ZNF609: variants seen among roughly 807,000 people sequenced by gnomAD.
The protein encoded by ZNF609 is zinc finger protein 609.
In ZNF609, 11 loss-of-function variants were observed where a neutral mutation model predicts 109.5. The ratio of observed to expected loss-of-function variants is 0.10; its 90% CI spans 0.06 to 0.17. The LOEUF (loss-of-function observed/expected upper bound fraction) is 0.17. Ranked by LOEUF, ZNF609 falls within the 10% of genes least tolerant of loss-of-function variation. The pLI is 1.00. For synonymous variants in ZNF609, 646 were observed against 662.0 expected, an observed-to-expected ratio of 0.98 and a Z score of 0.37; for missense variants, 1,559 against 1,772.4, an observed-to-expected ratio of 0.88 and a Z score of 2.16.
intron 2 of ZNF609, among the ~76,000 whole-genome samples, chr15:64,524,495 T>G (rs1427810613): frequency 2.8e-5 from 4 of 144,008 alleles, no homozygotes; most frequent in Non-Finnish European, 4.5e-5. Flanking sequence ...ACCCGGGAGG[T>G]GGAGGTTGCA....
At chr15:64,578,991 G>A (rs1006455254) in intron 2 of ZNF609, among the ~76,000 whole-genome samples, 1 of 151,962 alleles carries the variant, frequency 6.6e-6, no homozygotes, top group Non-Finnish European at 1.5e-5. Flanking sequence ...GACAGAGAGA[G>A]AACTTGTCTC....
intron 2 of ZNF609, among the ~76,000 whole-genome samples, chr15:64,522,101 ACT>A (rs1380759118): frequency 6.6e-6 from 1 of 152,182 alleles, no homozygotes; most frequent in Admixed American, 6.5e-5. Flanking sequence ...CCCGGGGCAA[ACT>A]CTGTACTTGG....
intron 2 of ZNF609, among the ~76,000 whole-genome samples, chr15:64,580,170 A>T (rs1895074566): frequency 1.3e-5 from 2 of 152,156 alleles, no homozygotes; most frequent in Admixed American, 1.3e-4. Context: ...GAGGGAGGGG[A>T]TGAGCCAAGG....
chr15:64,476,431 G>T (rs1026251691), intron 1 of ZNF609, among the ~76,000 whole-genome samples: 1 of 152,160 alleles, frequency 6.6e-6, no homozygotes, highest in African/African-American at 2.4e-5. Context: ...GGAAAAGAGG[G>T]TTAGGTAGGA....
Position 64,674,918 on chromosome 15 carries a change from C to T in ZNF609, c.2064C>T (p.Thr688=), listed in dbSNP as rs140216816. The change falls in exon 5 of 10, where the codon ACC becomes ACT. Residue 688 remains threonine (T), a synonymous_variant. Coordinates refer to ENST00000326648, the MANE Select transcript of ZNF609 (RefSeq NM_015042.2). The part of the protein sequence containing the change: ...AASPGSSSGL[T]ATVAQAMPNS... ...GCCCAGGCTCTTCCTCAGGCTTGACCGCCACAGTGGCACAAGCCATGCCCA... is the reference window on the plus strand; with the variant it reads ...GCCCAGGCTCTTCCTCAGGCTTGACTGCCACAGTGGCACAAGCCATGCCCA... The T allele has an allele frequency of 1.6e-5, 26 of 1,613,912 alleles. No homozygotes were observed. Among genetic ancestry groups the T allele is most frequent in the African/African-American group, 6.7e-5 (5 of 74,894 alleles).
At chr15:64,469,511 TTATTGCTGGTCAAAAA>T (rs1893065588) in intron 1 of ZNF609, among the ~76,000 whole-genome samples, 1 of 151,928 alleles carries the variant, frequency 6.6e-6, no homozygotes, top group Admixed American at 6.6e-5. Context: ...TTTTTTTTTT[TTATTGCTGGTCAAAAA>T]TATAGCCGGT....
At chr15:64,466,148 G>A (rs1421280613) in intron 1 of ZNF609, among the ~76,000 whole-genome samples, 1 of 151,560 alleles carries the variant, frequency 6.6e-6, no homozygotes, top group Non-Finnish European at 1.5e-5. Flanking sequence ...AAGTTAGCGG[G>A]GGGTATAGCA....
At position 64,500,185 on chromosome 15, in the gene ZNF609, T is replaced by C. The variant is rs755724372; in HGVS notation, c.747+19T>C. Reference sequence around the variant, plus strand: ...TGAAAAGGTAAGAGGTGGCCAGATATGGCTGCCCACTGACTGCCAGTCAGA... The same window carrying C: ...TGAAAAGGTAAGAGGTGGCCAGATACGGCTGCCCACTGACTGCCAGTCAGA... On this transcript the variant is annotated intron_variant, in intron 2 of 9. Coordinates refer to ENST00000326648, the MANE Select transcript of ZNF609 (RefSeq NM_015042.2). 23 of 1,610,254 alleles carry C rather than the reference T, an allele frequency of 1.4e-5. No individual in the cohort carries two copies. The highest frequency in any genetic ancestry group is 8.8e-5 in the South Asian group (8 of 90,630).
intron 3 of ZNF609, among the ~76,000 whole-genome samples, chr15:64,650,339 C>T (rs1321911678): frequency 1.3e-5 from 2 of 150,918 alleles, no homozygotes; most frequent in East Asian, 3.9e-4. Flanking sequence ...ATTGCTTGAA[C>T]CCAGGAGGTG....
intron 2 of ZNF609, among the ~76,000 whole-genome samples, chr15:64,534,779 T>A (rs1414790055): frequency 6.6e-6 from 1 of 150,628 alleles, no homozygotes; most frequent in African/African-American, 2.4e-5. Flanking sequence ...ACACCTGTAA[T>A]CCCAGCACTT....
At chr15:64,680,399 C>CACTA (rs779494839) in intron 7 of ZNF609, 39 bp downstream of exon 7, 1 of 1,604,294 alleles carries the variant, frequency 6.2e-7, no homozygotes, top group Non-Finnish European at 8.5e-7. Flanking sequence ...TACCCAAAGA[C>CACTA]TAGTAAGGCC....
intron 2 of ZNF609, among the ~76,000 whole-genome samples, chr15:64,616,561 C>T (rs755032819): frequency 2.8e-5 from 4 of 145,422 alleles, no homozygotes; most frequent in Non-Finnish European, 6.0e-5. Flanking sequence ...ACTCTGTCGC[C>T]CAGGCTGGAG....
chr15:64,586,722 C>T (rs1895205115), intron 2 of ZNF609, among the ~76,000 whole-genome samples: 1 of 151,940 alleles, frequency 6.6e-6, no homozygotes, highest in African/African-American at 2.4e-5. Context: ...TTGGGGACCA[C>T]TGCTTTATAG....
chr15:64,461,222 G>GGGGGGC (rs1261749412), intron 1 of ZNF609, among the ~76,000 whole-genome samples: 1 of 121,180 alleles, frequency 8.3e-6, no homozygotes, highest in Non-Finnish European at 1.9e-5. Flanking sequence ...GGCGGGGGAG[G>GGGGGGC]GGGGGCGGGG....
chr15:64,503,112 A>G (rs1325779609), intron 2 of ZNF609: 1 of 151,522 alleles, frequency 6.6e-6, no homozygotes, highest in Non-Finnish European at 1.5e-5. Flanking sequence ...CTTCTTTGTG[A>G]AGGTAGATAT....
intron 1 of ZNF609, among the ~76,000 whole-genome samples, chr15:64,478,917 G>A (rs1011032192): frequency 1.3e-5 from 2 of 152,174 alleles, no homozygotes; most frequent in Non-Finnish European, 2.9e-5. Flanking sequence ...CCAAGTGTAT[G>A]TTGTTGTTTT....
At chr15:64,472,916 T>C (rs1893111281) in intron 1 of ZNF609, among the ~76,000 whole-genome samples, 1 of 152,144 alleles carries the variant, frequency 6.6e-6, no homozygotes, top group Non-Finnish European at 1.5e-5. Context: ...AAATTCGGTG[T>C]AAAGCTCAGC....
chr15:64,490,318 G>T (rs1250534037), intron 1 of ZNF609, among the ~76,000 whole-genome samples: 1 of 147,324 alleles, frequency 6.8e-6, no homozygotes, highest in East Asian at 2.0e-4. Context: ...CCGTTGCCCA[G>T]GCTGGAGTGC....
At chr15:64,549,495 A>G (rs1462629652) in intron 2 of ZNF609, among the ~76,000 whole-genome samples, 1 of 152,204 alleles carries the variant, frequency 6.6e-6, no homozygotes, top group Non-Finnish European at 1.5e-5. Context: ...AAGTGTATGT[A>G]TATTTACTAA....
Sources: allele counts gnomAD v4.1 joint callset (sites outside exome capture counted in the v4.1 genomes callset), GRCh38; gene constraint gnomAD v4.1.1; transcripts MANE v1.5; gene names NCBI Gene and HGNC (gene_info 2026-07-23, HGNC 2026-07-21).